The following GRHL2 variants were observed in gnomAD, a reference collection of about 807,000 sequenced individuals.
GRHL2 encodes grainyhead-like protein 2 homolog.
GRHL2 carries 21 observed loss-of-function variants against 83.8 expected under a neutral mutation model. The ratio of observed to expected loss-of-function variants is 0.25; its 90% CI spans 0.18 to 0.36. The LOEUF is 0.36. Ranked by LOEUF, GRHL2 falls within the 10% of genes least tolerant of loss-of-function variation. The probability of loss-of-function intolerance (pLI) is 1.00; values close to 1 mark genes in which losing one functional copy is unlikely to be tolerated. For missense variants in GRHL2, 623 were observed against 781.8 expected, an observed-to-expected ratio of 0.80 and a Z score of 2.42; for synonymous variants, 280 against 278.9, an observed-to-expected ratio of 1.00 and a Z score of -0.04.
intron 1 of GRHL2, among the ~76,000 whole-genome samples, chr8:101,496,737 C>T (rs554750445): frequency 3.5e-4 from 54 of 152,186 alleles, no homozygotes; most frequent in Admixed American, 3.2e-3. Flanking sequence ...ACAGCTTCTC[C>T]AATGAGGTGA....
intron 1 of GRHL2, among the ~76,000 whole-genome samples, chr8:101,530,600 A>G (rs1191620539): frequency 2.6e-5 from 4 of 152,206 alleles, no homozygotes; most frequent in Non-Finnish European, 5.9e-5. Flanking sequence ...CTCTAGTTGT[A>G]TTATACTAAA....
At chr8:101,594,987 C>T (rs551084235) in intron 7 of GRHL2, among the ~76,000 whole-genome samples, 12 of 152,280 alleles carry the variant, frequency 7.9e-5, no homozygotes, top group Non-Finnish European at 1.5e-4. Context: ...GTCTTACTAT[C>T]CTTTTGTTTT....
At chr8:101,589,107 A>G (rs1177933648) in intron 7 of GRHL2, among the ~76,000 whole-genome samples, 1 of 152,194 alleles carries the variant, frequency 6.6e-6, no homozygotes, top group Non-Finnish European at 1.5e-5. Context: ...GAGTGTCAGT[A>G]TATTAGACAA....
chr8:101,525,733 C>T (rs1810790122), intron 1 of GRHL2, among the ~76,000 whole-genome samples: 1 of 152,116 alleles, frequency 6.6e-6, no homozygotes, highest in African/African-American at 2.4e-5. Context: ...GTTTGGGAGG[C>T]CGAGGTGGGT....
At position 101,645,116 on chromosome 8, in the gene GRHL2, A is replaced by ATT. The variant is rs553249046; in HGVS notation, c.1612+927_1612+928dup. Among the ~76,000 whole-genome samples the ATT allele has an allele frequency of 2.0e-3, 239 of 117,298 alleles. 12 individuals carry two copies. Among genetic ancestry groups the ATT allele is most frequent in the African/African-American group, 7.0e-3 (211 of 30,328 alleles). The allele number at this position is 117,298 out of a possible 152,430, so 77.0% of individuals were successfully genotyped here. On this transcript the variant is annotated intron_variant, in intron 13 of 15. Transcript: ENST00000646743. ...TGCCTCAGTCTGCCAGCAGTACAGA[A>ATT]TTTTTTTTTTTTTTTTTTTTTTTTT...
chr8:101,502,906 C>A (rs1810260416), intron 1 of GRHL2, among the ~76,000 whole-genome samples: 1 of 152,060 alleles, frequency 6.6e-6, no homozygotes. Context: ...TTCACAGACA[C>A]CCACTGTCAA....
intron 1 of GRHL2, among the ~76,000 whole-genome samples, chr8:101,506,277 A>G (rs1000275883): frequency 6.6e-6 from 1 of 152,182 alleles, no homozygotes; most frequent in Non-Finnish European, 1.5e-5. Flanking sequence ...TTTTCTGGTT[A>G]TGAAAATAAT....
chr8:101,531,222 CAAAAAA>C (rs34027383), intron 1 of GRHL2, among the ~76,000 whole-genome samples: 2 of 131,908 alleles, frequency 1.5e-5, no homozygotes, highest in Non-Finnish European at 1.6e-5. Context: ...GACCTTATCT[CAAAAAA>C]AAAAAAAAAA....
intron 9 of GRHL2, among the ~76,000 whole-genome samples, chr8:101,620,643 A>G (rs1223390376): frequency 6.6e-6 from 1 of 152,254 alleles, no homozygotes; most frequent in Non-Finnish European, 1.5e-5. Context: ...GGGACCAAGC[A>G]TCAACAATTT....
intron 7 of GRHL2, among the ~76,000 whole-genome samples, chr8:101,585,239 T>G (rs1812140249): frequency 6.6e-6 from 1 of 152,162 alleles, no homozygotes; most frequent in Admixed American, 6.5e-5. Flanking sequence ...TTCCCCAAAT[T>G]ATACAGATTT....
chr8:101,507,170 T>C (rs2129990723), intron 1 of GRHL2, among the ~76,000 whole-genome samples: 1 of 152,354 alleles, frequency 6.6e-6, no homozygotes, highest in South Asian at 2.1e-4. Context: ...AGAGCTCTTT[T>C]TGCACCTAAA....
intron 7 of GRHL2, among the ~76,000 whole-genome samples, chr8:101,588,136 G>A (rs544602030): frequency 2.6e-4 from 39 of 152,222 alleles, no homozygotes; most frequent in South Asian, 2.5e-3. Flanking sequence ...TGAGAGTCTC[G>A]TCATTGTTTA....
intron 9 of GRHL2, among the ~76,000 whole-genome samples, chr8:101,624,619 TACAGTACACAGTAGG>T (rs1211982898): frequency 4.2e-5 from 2 of 47,168 alleles, no homozygotes; most frequent in Admixed American, 2.6e-4. Context: ...CAGGACAGTT[TACAGTACACAGTAGG>T]ACAGTACACA....
intron 13 of GRHL2, among the ~76,000 whole-genome samples, chr8:101,644,510 T>C (rs1271673966): frequency 6.6e-6 from 1 of 152,194 alleles, no homozygotes; most frequent in Admixed American, 6.5e-5. Flanking sequence ...AGAACGAAAC[T>C]CTTGCTGCGT....
intron 14 of GRHL2, among the ~76,000 whole-genome samples, chr8:101,650,518 T>G (rs369756829): frequency 6.6e-6 from 1 of 152,216 alleles, no homozygotes; most frequent in Non-Finnish European, 1.5e-5. Context: ...CCAGTTCTTT[T>G]GGGTATGTTC....
intron 13 of GRHL2, among the ~76,000 whole-genome samples, chr8:101,647,404 TCC>T (rs1813533940): frequency 6.6e-6 from 1 of 151,516 alleles, no homozygotes; most frequent in African/African-American, 2.4e-5. Flanking sequence ...TGCTGGAAAT[TCC>T]TTTTTTTTTC....
At chr8:101,565,262 G>C (rs1467212836) in intron 4 of GRHL2, among the ~76,000 whole-genome samples, 2 of 151,866 alleles carry the variant, frequency 1.3e-5, no homozygotes, top group Admixed American at 1.3e-4. Flanking sequence ...AATATTTTAA[G>C]AAACATTTAA....
At chr8:101,678,415 C>A in the GRHL2 span, among the ~76,000 whole-genome samples, 4 of 152,160 alleles carry the variant, frequency 2.6e-5, no homozygotes, top group South Asian at 2.1e-4. Context: ...TATCCCGCAC[C>A]TGGCTCGGAG....
chr8:101,666,468 CTCCTCCCA>C (rs1814060087), intron 15 of GRHL2, 113 bp from the exon 16 acceptor site: 1 of 710,906 alleles, frequency 1.4e-6, no homozygotes, highest in African/African-American at 1.7e-5. Flanking sequence ...CTCTCCTCCA[CTCCTCCCA>C]GCCTCCACCA....
Sources: gnomAD v4.1 joint callset for allele counts (sites outside exome capture counted in the v4.1 genomes callset) on GRCh38, gnomAD v4.1.1 for gene constraint, MANE v1.5 for transcripts, NCBI Gene and HGNC (gene_info 2026-07-23, HGNC 2026-07-21) for gene names.